The following CRACR2A variants were observed in gnomAD, a reference collection of about 807,000 sequenced individuals.
CRACR2A encodes the protein EF-hand calcium-binding domain-containing protein 4B.
In CRACR2A, 79 loss-of-function variants were observed where a neutral mutation model predicts 90.5. The ratio of observed to expected loss-of-function variants is 0.87; its 90% CI spans 0.73 to 1.05. CRACR2A has a LOEUF of 1.05. Ranked by LOEUF, CRACR2A falls within the 50% of genes least tolerant of loss-of-function variation. CRACR2A has a pLI of 0.00. For synonymous variants in CRACR2A, 338 were observed against 356.7 expected, an observed-to-expected ratio of 0.95 and a Z score of 0.59; for missense variants, 823 against 897.2, an observed-to-expected ratio of 0.92 and a Z score of 1.06.
At chr12:3,669,368 TTC>T (rs1945201279) in intron 7 of CRACR2A, among the ~76,000 whole-genome samples, 1 of 152,210 alleles carries the variant, frequency 6.6e-6, no homozygotes, top group African/African-American at 2.4e-5. Context: ...CAATTCTAAG[TTC>T]TCCCCAATGT....
intron 17 of CRACR2A, among the ~76,000 whole-genome samples, chr12:3,620,729 G>A (rs1944114099): frequency 6.6e-6 from 1 of 152,082 alleles, no homozygotes; most frequent in Non-Finnish European, 1.5e-5. Flanking sequence ...CTTATTAACT[G>A]GAACCCTCTA....
In CRACR2A at chr12:3,615,348, G is replaced by A. The variant is rs897270237; in HGVS notation, c.*7C>T. 23 of 1,551,148 alleles carry A rather than the reference G, an allele frequency of 1.5e-5. No homozygotes were observed. Among genetic ancestry groups the A allele is most frequent in the Non-Finnish European group, 1.7e-5 (19 of 1,146,652 alleles). ...GGTTTGCTGGGGGCAGTCCTTGTAGGACCCTATCAGCCACAGCAGGATTTC... is the reference window on the plus strand; with the variant it reads ...GGTTTGCTGGGGGCAGTCCTTGTAGAACCCTATCAGCCACAGCAGGATTTC... On this transcript the variant is annotated 3_prime_UTR_variant, in exon 20 of 20. Transcript: ENST00000440314.
intron 13 of CRACR2A, 137 bp from the exon 14 acceptor site, chr12:3,638,591 A>G: frequency 3.1e-6 from 3 of 983,094 alleles, no homozygotes; most frequent in Non-Finnish European, 4.4e-6. Flanking sequence ...GGAGAGGGAA[A>G]AACAAACCAG....
At chr12:3,643,791 T>A (rs1258395413) in intron 12 of CRACR2A, among the ~76,000 whole-genome samples, 8 of 109,294 alleles carry the variant, frequency 7.3e-5, no homozygotes, top group Admixed American at 6.7e-4. Context: ...ATATATATAT[T>A]TATATAATAT....
At chr12:3,678,590 G>A (rs183821564) in intron 6 of CRACR2A, among the ~76,000 whole-genome samples, 2 of 152,248 alleles carry the variant, frequency 1.3e-5, no homozygotes, top group Admixed American at 1.3e-4. Context: ...TGATGTGTGA[G>A]TGCCTCATGA....
At chr12:3,680,391 C>G (rs1444703333) in intron 4 of CRACR2A, 42 bp from the exon 5 acceptor site, 1 of 1,548,594 alleles carries the variant, frequency 6.5e-7, no homozygotes, top group Non-Finnish European at 8.9e-7. Flanking sequence ...CTGACACTCA[C>G]TGGTGGGGGA....
At chr12:3,627,400 C>A in intron 17 of CRACR2A, 36 bp downstream of exon 17, 1 of 1,475,870 alleles carries the variant, frequency 6.8e-7, no homozygotes, top group South Asian at 1.2e-5. Context: ...AAGCCACAGT[C>A]AAGCCTAAAT....
intron 13 of CRACR2A, chr12:3,640,753 G>C (rs374373169): frequency 7.7e-7 from 1 of 1,305,296 alleles, no homozygotes; most frequent in African/African-American, 1.5e-5. Flanking sequence ...CTGAAGAGTC[G>C]GGATGCCTCT....
chr12:3,749,638 T>C (rs1348969468), intron 1 of CRACR2A, among the ~76,000 whole-genome samples: 2 of 152,222 alleles, frequency 1.3e-5, no homozygotes, highest in Non-Finnish European at 2.9e-5. Context: ...CCCCTGACCC[T>C]GTACTTGGAC....
chr12:3,645,988 C>T (rs1305306793), intron 11 of CRACR2A, among the ~76,000 whole-genome samples: 1 of 151,952 alleles, frequency 6.6e-6, no homozygotes, highest in Non-Finnish European at 1.5e-5. Context: ...GAGTTGGGCA[C>T]GGGGGTAGGG....
intron 6 of CRACR2A, among the ~76,000 whole-genome samples, chr12:3,675,822 G>A (rs944524536): frequency 1.7e-4 from 26 of 152,150 alleles, no homozygotes; most frequent in African/African-American, 6.0e-4. Flanking sequence ...ACCCTCAGGA[G>A]AAGGAATAAA....
At chr12:3,703,268 T>G (rs1376199533) in intron 3 of CRACR2A, among the ~76,000 whole-genome samples, 1 of 152,128 alleles carries the variant, frequency 6.6e-6, no homozygotes, top group Non-Finnish European at 1.5e-5. Flanking sequence ...TTTTATATTT[T>G]TAGTAGAGAT....
chr12:3,702,279 C>T (rs1025046798), intron 3 of CRACR2A, among the ~76,000 whole-genome samples: 4 of 152,126 alleles, frequency 2.6e-5, no homozygotes, highest in African/African-American at 9.7e-5. Flanking sequence ...TTCTATTCAA[C>T]ATTGTGTTGG....
intron 3 of CRACR2A, among the ~76,000 whole-genome samples, chr12:3,705,072 G>A (rs10848911): frequency 0.19 from 28,993 of 152,170 alleles, 3,338 homozygotes; most frequent in Middle Eastern, 0.3. Context: ...ATAGCTTTTT[G>A]TCTCAGAGAT....
At chr12:3,735,709 G>A (rs1946440584) in intron 1 of CRACR2A, among the ~76,000 whole-genome samples, 1 of 152,166 alleles carries the variant, frequency 6.6e-6, no homozygotes, top group Admixed American at 6.5e-5. Context: ...AGGCTCACAT[G>A]CTTTATAGGC....
At chr12:3,640,838 A>C in intron 13 of CRACR2A, 1 of 1,298,276 alleles carries the variant, frequency 7.7e-7, no homozygotes, top group Non-Finnish European at 1.0e-6. Context: ...TTTGTCTCTC[A>C]ATGAGCAATG....
chr12:3,677,675 T>C (rs932348213), intron 6 of CRACR2A, among the ~76,000 whole-genome samples: 5 of 152,148 alleles, frequency 3.3e-5, no homozygotes, highest in African/African-American at 1.2e-4. Context: ...GGGTCAGGTG[T>C]ATGACTAATG....
At position 3,627,694 on chromosome 12, in the gene CRACR2A, C is replaced by A. The variant is rs765399992; in HGVS notation, c.1748G>T (p.Arg583Leu). The change falls in exon 16 of 20, where the codon CGT becomes CTT. Residue 583 changes from arginine (R) to leucine (L), a missense_variant. Coordinates refer to ENST00000440314, the MANE Select transcript of CRACR2A (RefSeq NM_001144958.2). ...GMAATVGIDY[R>L]VKTLNVDNSQ... ...GTTGTCCACATTCAACGTCTTCACA[C>A]GGTAATCAATGCCTGCAGGGTGAAA... 2 of 1,551,764 alleles carry A rather than the reference C, an allele frequency of 1.3e-6. No individual in the cohort carries two copies. Among genetic ancestry groups the A allele is most frequent in the East Asian group, 2.4e-5 (1 of 40,918 alleles).
chr12:3,666,369 G>GCGCA (rs1945148842), intron 7 of CRACR2A, among the ~76,000 whole-genome samples: 7 of 151,818 alleles, frequency 4.6e-5, no homozygotes, highest in African/African-American at 1.7e-4. Context: ...GCGTGTGCGC[G>GCGCA]TGCGCGCGCA....
Sources: gnomAD v4.1 joint callset for allele counts (sites outside exome capture counted in the v4.1 genomes callset) on GRCh38, gnomAD v4.1.1 for gene constraint, MANE v1.5 for transcripts, NCBI Gene and HGNC (gene_info 2026-07-23, HGNC 2026-07-21) for gene names.